The following TANC2 variants were observed in gnomAD, a reference collection of about 807,000 sequenced individuals.
The protein encoded by TANC2 is protein TANC2.
In TANC2, 26 loss-of-function variants were observed where a neutral mutation model predicts 210.5. That is an observed-to-expected ratio of 0.12 (90% confidence interval 0.09 to 0.17). The LOEUF is 0.17. TANC2 is among the 10% of genes least tolerant of loss of function. The pLI is 1.00. For synonymous variants in TANC2, 931 were observed against 967.1 expected (o/e 0.96, Z 0.69); for missense variants, 2,129 against 2,608.9 (o/e 0.82, Z 4.01).
At chr17:63,162,831 C>T (rs1473818464) in intron 5 of TANC2, among the ~76,000 whole-genome samples, 3 of 151,720 alleles carry the variant, frequency 2.0e-5, no homozygotes, top group Non-Finnish European at 2.9e-5. Flanking sequence ...GAATGTGTTC[C>T]GAGAGTGAAT....
chr17:63,058,211 G>T (rs753151652), intron 2 of TANC2, among the ~76,000 whole-genome samples: 26 of 151,954 alleles, frequency 1.7e-4, no homozygotes, highest in Non-Finnish European at 2.6e-4. Flanking sequence ...CCAAAAGCTT[G>T]TTGGCCACAT....
chr17:63,405,090 ACCTATCC>A, intron 19 of TANC2, 25 bp from the exon 20 acceptor site: 1 of 1,587,950 alleles, frequency 6.3e-7, no homozygotes, highest in Non-Finnish European at 8.6e-7. Flanking sequence ...GACCAGAACC[ACCTATCC>A]TCAATCTTTG....
intron 7 of TANC2, among the ~76,000 whole-genome samples, chr17:63,230,247 AT>A (rs899054390): frequency 5.3e-5 from 8 of 151,352 alleles, no homozygotes; most frequent in African/African-American, 1.7e-4. Context: ...GGATTTGTTG[AT>A]TTTTTTTGAA....
chr17:63,295,299 T>A (rs968693431), intron 9 of TANC2, among the ~76,000 whole-genome samples: 4 of 152,216 alleles, frequency 2.6e-5, no homozygotes, highest in Non-Finnish European at 4.4e-5. Flanking sequence ...GAAAATTTTT[T>A]AAATAACTTT....
At chr17:63,232,385 G>C (rs1210908420) in intron 7 of TANC2, among the ~76,000 whole-genome samples, 2 of 152,186 alleles carry the variant, frequency 1.3e-5, no homozygotes, top group Admixed American at 6.5e-5. Context: ...TCTCATCTTC[G>C]TGAGTTCGTC....
chr17:63,052,708 G>A (rs138406463), intron 2 of TANC2, among the ~76,000 whole-genome samples: 130 of 152,140 alleles, frequency 8.5e-4, no homozygotes, highest in African/African-American at 2.9e-3. Context: ...CTTTTCCCAT[G>A]TTTAGGGAGA....
chr17:63,066,780 C>T (rs1461317088), intron 2 of TANC2, among the ~76,000 whole-genome samples: 1 of 151,714 alleles, frequency 6.6e-6, no homozygotes, highest in Non-Finnish European at 1.5e-5. Flanking sequence ...CACTGTGCTC[C>T]AGACACAGAT....
intron 7 of TANC2, among the ~76,000 whole-genome samples, chr17:63,204,988 G>GT (rs541152138): frequency 2.0e-5 from 3 of 152,124 alleles, no homozygotes; most frequent in Non-Finnish European, 4.4e-5. Context: ...GGGAGGCTGA[G>GT]GCAGGAGAAT....
chr17:63,293,887 C>T (rs1227109802), intron 9 of TANC2, among the ~76,000 whole-genome samples: 1 of 151,898 alleles, frequency 6.6e-6, no homozygotes, highest in African/African-American at 2.4e-5. Context: ...TGCCACCACA[C>T]CCAGCTAATT....
intron 3 of TANC2, among the ~76,000 whole-genome samples, chr17:63,082,295 C>A (rs565682003): frequency 1.2e-3 from 178 of 152,230 alleles, no homozygotes; most frequent in Non-Finnish European, 1.7e-3. Context: ...TTTGAAGGGT[C>A]ATAAACAGTT....
intron 9 of TANC2, among the ~76,000 whole-genome samples, chr17:63,272,226 T>C (rs1337876361): frequency 6.6e-6 from 1 of 152,166 alleles, no homozygotes; most frequent in Non-Finnish European, 1.5e-5. Flanking sequence ...CTTTCCCTAT[T>C]GCTTGTTTTT....
At chr17:63,351,489 C>T in intron 13 of TANC2, 73 bp downstream of exon 13, 1 of 1,303,574 alleles carries the variant, frequency 7.7e-7, no homozygotes, top group Non-Finnish European at 1.0e-6. Flanking sequence ...AGTTCTAGGT[C>T]CTAGTTTCAT....
intron 14 of TANC2, among the ~76,000 whole-genome samples, chr17:63,371,506 T>C (rs1338188975): frequency 6.6e-6 from 1 of 152,024 alleles, no homozygotes; most frequent in African/African-American, 2.4e-5. Flanking sequence ...GTGTTGTTTC[T>C]CTGAAGCATT....
At chr17:63,168,521 A>G (rs554215117) in intron 5 of TANC2, among the ~76,000 whole-genome samples, 10 of 152,300 alleles carry the variant, frequency 6.6e-5, no homozygotes, top group African/African-American at 2.2e-4. Flanking sequence ...TTAACTTCCA[A>G]CTTACATTTA....
intron 14 of TANC2, among the ~76,000 whole-genome samples, chr17:63,363,506 G>C (rs1361617522): frequency 6.6e-6 from 1 of 152,148 alleles, no homozygotes; most frequent in Non-Finnish European, 1.5e-5. Flanking sequence ...TTAGATTTAA[G>C]TTTGCAATCC....
intron 9 of TANC2, among the ~76,000 whole-genome samples, chr17:63,283,278 A>AGAT (rs1251007566): frequency 2.6e-5 from 4 of 151,994 alleles, no homozygotes; most frequent in Admixed American, 2.6e-4. Flanking sequence ...ATTCATCCAT[A>AGAT]GATATATAGT....
intron 9 of TANC2, among the ~76,000 whole-genome samples, chr17:63,287,081 C>T (rs537889822): frequency 7.2e-4 from 110 of 152,116 alleles, no homozygotes; most frequent in African/African-American, 2.5e-3. Context: ...TACACCCAGC[C>T]GCCACCACAC....
At chr17:63,259,958 C>T (rs561412916) in intron 8 of TANC2, among the ~76,000 whole-genome samples, 38 of 152,066 alleles carry the variant, frequency 2.5e-4, no homozygotes, top group African/African-American at 7.0e-4. Context: ...ATATTTCAAG[C>T]GCAGAGAGCT....
intron 7 of TANC2, among the ~76,000 whole-genome samples, chr17:63,216,256 C>T (rs1598624467): frequency 6.6e-6 from 1 of 151,754 alleles, no homozygotes; most frequent in Non-Finnish European, 1.5e-5. Flanking sequence ...ACCATGTTGG[C>T]CAGGCTGGTC....
Sources: gnomAD v4.1 joint callset for allele counts (sites outside exome capture counted in the v4.1 genomes callset) on GRCh38, gnomAD v4.1.1 for gene constraint, MANE v1.5 for transcripts, NCBI Gene and HGNC (gene_info 2026-07-23, HGNC 2026-07-21) for gene names.